The following TMEM117 variants were observed in gnomAD, a reference collection of about 807,000 sequenced individuals.
The protein encoded by TMEM117 is transmembrane protein 117.
Under a neutral mutation model 52.4 loss-of-function variants are expected in TMEM117, and 27 were observed. That is an observed-to-expected ratio of 0.51 (90% CI 0.38 to 0.71). The LOEUF is 0.71. Ranked by LOEUF, TMEM117 falls within the 30% of genes least tolerant of loss-of-function variation. The pLI, the probability that TMEM117 is intolerant of heterozygous loss-of-function variation, is 0.00. For missense variants in TMEM117, 556 were observed against 630.5 expected (o/e 0.88, Z 1.26); for synonymous variants, 215 against 206.3 (o/e 1.04, Z -0.36).
At chr12:44,087,890 A>G (rs1482456532) in intron 3 of TMEM117, among the ~76,000 whole-genome samples, 1 of 152,236 alleles carries the variant, frequency 6.6e-6, no homozygotes, top group Non-Finnish European at 1.5e-5. Context: ...TTTATAAAGT[A>G]CAAAAGGAGC....
intron 4 of TMEM117, among the ~76,000 whole-genome samples, chr12:44,159,489 G>A (rs756471093): frequency 6.6e-6 from 1 of 152,046 alleles, no homozygotes; most frequent in African/African-American, 2.4e-5. Context: ...CAATTGCAGA[G>A]CTGTGCTTTT....
chr12:43,797,656 TC>T, the TMEM117 span: 3 of 1,588,276 alleles, frequency 1.9e-6, no homozygotes, highest in Non-Finnish European at 1.7e-6. Flanking sequence ...CCTATATGAG[TC>T]ATAAACTACC....
At chr12:44,046,580 C>T (rs1269995777) in intron 3 of TMEM117, among the ~76,000 whole-genome samples, 4 of 152,144 alleles carry the variant, frequency 2.6e-5, no homozygotes, top group Admixed American at 6.5e-5. Context: ...AAAAAAACCA[C>T]GACCTGCCAA....
At chr12:43,980,004 G>T (rs375079674) in intron 3 of TMEM117, among the ~76,000 whole-genome samples, 1 of 152,080 alleles carries the variant, frequency 6.6e-6, no homozygotes, top group Non-Finnish European at 1.5e-5. Context: ...AAAAGAAATG[G>T]GTTCATAGAA....
chr12:44,275,096 A>G (rs1032037970), intron 5 of TMEM117, among the ~76,000 whole-genome samples: 4 of 152,106 alleles, frequency 2.6e-5, no homozygotes, highest in Non-Finnish European at 4.4e-5. Flanking sequence ...AAACCACTCT[A>G]TAGAAAAAAA....
chr12:43,924,169 A>C (rs1020264440), intron 2 of TMEM117, among the ~76,000 whole-genome samples: 4 of 152,188 alleles, frequency 2.6e-5, no homozygotes, highest in Admixed American at 2.0e-4. Context: ...TTGGCTCTCC[A>C]GAGTGTGGTG....
At chr12:44,246,816 C>A (rs887233434) in intron 5 of TMEM117, among the ~76,000 whole-genome samples, 1 of 152,114 alleles carries the variant, frequency 6.6e-6, no homozygotes, top group East Asian at 1.9e-4. Flanking sequence ...CTGAGAAGTT[C>A]GAACACATCA....
intron 5 of TMEM117, among the ~76,000 whole-genome samples, chr12:44,253,095 A>C (rs555475431): frequency 1.3e-4 from 20 of 152,242 alleles, no homozygotes; most frequent in Non-Finnish European, 2.5e-4. Context: ...ACTGTGGTTT[A>C]AAATGATATG....
chr12:43,977,136 A>C (rs1234373899), intron 3 of TMEM117, among the ~76,000 whole-genome samples: 1 of 152,180 alleles, frequency 6.6e-6, no homozygotes, highest in Non-Finnish European at 1.5e-5. Flanking sequence ...AAAAAGGATA[A>C]ATACCCTATG....
chr12:44,219,690 A>G (rs1452303917), intron 5 of TMEM117, among the ~76,000 whole-genome samples: 1 of 152,166 alleles, frequency 6.6e-6, no homozygotes, highest in East Asian at 1.9e-4. Context: ...ATTAAGCACA[A>G]CAAAAGCCCA....
At chr12:44,008,874 C>T (rs117593274) in intron 3 of TMEM117, 16 of 418,200 alleles carry the variant, frequency 3.8e-5, no homozygotes, top group East Asian at 3.8e-4. Context: ...AAGCATTTCC[C>T]GCACCATGAG....
chr12:43,976,767 T>C lies in TMEM117; in HGVS notation c.410+32425T>C, dbSNP rs7302524. On this transcript the variant is annotated intron_variant, in intron 3 of 7. Coordinates refer to ENST00000266534, the MANE Select transcript of TMEM117 (RefSeq NM_032256.3). The stretch of plus-strand genomic sequence containing the variant: ...CCTACATCTCCCCCTTTTCTGATTT[T>C]TGCATCAGGTTTTGTTGATTGAAGA... Among the ~76,000 whole-genome samples, 571 of 152,302 alleles carry C rather than the reference T, an allele frequency of 3.7e-3. 2 individuals are homozygous for C. The highest frequency in any genetic ancestry group is 0.013 in the African/African-American group (543 of 41,562).
At chr12:44,380,382 CTTTG>C (rs1420505070) in intron 7 of TMEM117, among the ~76,000 whole-genome samples, 2 of 152,142 alleles carry the variant, frequency 1.3e-5, no homozygotes, top group Non-Finnish European at 2.9e-5. Context: ...GCTTTATCTG[CTTTG>C]TTTGTTCTGC....
At chr12:44,153,772 G>A (rs1041132890) in intron 4 of TMEM117, among the ~76,000 whole-genome samples, 4 of 151,950 alleles carry the variant, frequency 2.6e-5, no homozygotes, top group African/African-American at 9.7e-5. Context: ...CATAGAATAT[G>A]CCACATTTTT....
At chr12:44,168,423 A>T (rs1482980511) in intron 4 of TMEM117, among the ~76,000 whole-genome samples, 2 of 152,200 alleles carry the variant, frequency 1.3e-5, no homozygotes, top group African/African-American at 4.8e-5. Context: ...ATAACTTCTT[A>T]TGCATTTGTA....
chr12:44,180,651 A>G (rs554958946), intron 4 of TMEM117, among the ~76,000 whole-genome samples: 7 of 151,226 alleles, frequency 4.6e-5, no homozygotes, highest in Non-Finnish European at 1.0e-4. Flanking sequence ...ATGATTTCCA[A>G]TTTCACCCAT....
At chr12:43,878,734 C>T (rs1324658143) in intron 2 of TMEM117, among the ~76,000 whole-genome samples, 1 of 152,062 alleles carries the variant, frequency 6.6e-6, no homozygotes, top group Non-Finnish European at 1.5e-5. Flanking sequence ...TATGTAAAAT[C>T]ATTTTAAAAT....
intron 2 of TMEM117, among the ~76,000 whole-genome samples, chr12:43,869,951 G>A (rs1171350626): frequency 6.6e-6 from 1 of 152,068 alleles, no homozygotes; most frequent in Non-Finnish European, 1.5e-5. Flanking sequence ...GCCCCAGTGT[G>A]TGTTGTTCCC....
At chr12:44,321,670 T>G (rs2138700631) in intron 6 of TMEM117, among the ~76,000 whole-genome samples, 1 of 152,200 alleles carries the variant, frequency 6.6e-6, no homozygotes, top group East Asian at 1.9e-4. Context: ...GAGTAAAAAC[T>G]TATATTATGA....
Sources: gnomAD v4.1 joint callset for allele counts (sites outside exome capture counted in the v4.1 genomes callset) on GRCh38, gnomAD v4.1.1 for gene constraint, MANE v1.5 for transcripts, NCBI Gene and HGNC (gene_info 2026-07-23, HGNC 2026-07-21) for gene names.